The following SIAH3 variants were observed in gnomAD, a reference collection of about 807,000 sequenced individuals.
The protein encoded by SIAH3 is siah E3 ubiquitin protein ligase family member 3.
In SIAH3, 9 loss-of-function variants were observed where a neutral mutation model predicts 12.6. That is an observed-to-expected ratio of 0.72 (90% confidence interval 0.43 to 1.25). SIAH3 has a LOEUF of 1.25. Among genes scored for constraint, SIAH3 ranks in the 50% most tolerant of loss-of-function variants. The pLI is 0.00. For missense variants in SIAH3, 390 were observed against 365.4 expected, an observed-to-expected ratio of 1.07 and a Z score of -0.55; for synonymous variants, 154 against 151.1, an observed-to-expected ratio of 1.02 and a Z score of -0.14.
chr13:45,850,919 C>CCACACACACACA (rs34118981), intron 1 of SIAH3, among the ~76,000 whole-genome samples: 127 of 128,330 alleles, frequency 9.9e-4, no homozygotes, highest in East Asian at 6.4e-3. Context: ...CCTCCCGACA[C>CCACACACACACA]CACACACACA....
At chr13:45,832,615 C>T (rs552746962) in intron 1 of SIAH3, among the ~76,000 whole-genome samples, 20 of 152,270 alleles carry the variant, frequency 1.3e-4, no homozygotes, top group African/African-American at 3.4e-4. Context: ...GTTTCCACCT[C>T]TTGGCTAGTG....
intron 1 of SIAH3, among the ~76,000 whole-genome samples, chr13:45,789,372 CTATCTATCTATCTATCTATCT>C (rs1418448114): frequency 4.8e-4 from 16 of 33,498 alleles, no homozygotes; most frequent in South Asian, 1.6e-3. Context: ...ATCTATCTAT[CTATCTATCTATCTATCTATCT>C]ATCTATCTAT....
intron 1 of SIAH3, among the ~76,000 whole-genome samples, chr13:45,848,979 C>G (rs1422127480): frequency 6.6e-6 from 1 of 152,200 alleles, no homozygotes. Context: ...TTATGGAAAT[C>G]AGCGTTTAGA....
chr13:45,794,803 C>T (rs1267178207), intron 1 of SIAH3, among the ~76,000 whole-genome samples: 1 of 152,154 alleles, frequency 6.6e-6, no homozygotes, highest in Non-Finnish European at 1.5e-5. Flanking sequence ...AGAGAATGAA[C>T]TAATACACAC....
intron 1 of SIAH3, among the ~76,000 whole-genome samples, chr13:45,816,498 A>T (rs1950634978): frequency 6.6e-6 from 1 of 152,248 alleles, no homozygotes; most frequent in African/African-American, 2.4e-5. Flanking sequence ...GCTATAAATT[A>T]CAACAGCTGA....
intron 1 of SIAH3, among the ~76,000 whole-genome samples, chr13:45,807,250 A>G (rs554139251): frequency 3.3e-5 from 5 of 151,814 alleles, no homozygotes; most frequent in African/African-American, 1.2e-4. Context: ...TAAAATTAAC[A>G]AGATTGTAAT....
chr13:45,832,235 C>T (rs1046250675), intron 1 of SIAH3, among the ~76,000 whole-genome samples: 3 of 152,212 alleles, frequency 2.0e-5, no homozygotes, highest in African/African-American at 4.8e-5. Context: ...CATGTGTAAG[C>T]GTACAATTCA....
chr13:45,802,644 C>A (rs984298972), intron 1 of SIAH3, among the ~76,000 whole-genome samples: 4 of 152,200 alleles, frequency 2.6e-5, no homozygotes, highest in Admixed American at 1.3e-4. Flanking sequence ...ATGCAATATT[C>A]TAAAACAGAG....
Position 45,784,053 on chromosome 13 carries a change from A to T in SIAH3, c.140T>A (p.Val47Glu). 6.3e-7 allele frequency: 1 copy of T among 1,575,404 alleles called. No homozygotes were observed. Among genetic ancestry groups the T allele is most frequent in the Non-Finnish European group, 8.6e-7 (1 of 1,161,148 alleles). Reference protein sequence around the residue: ...VVNPTHNLKYVSSRRAVTQSA... With the variant: ...VVNPTHNLKYESSRRAVTQSA... ...CTGAGTGACGGCGCGCCGACTGGAC[A>T]CATACTGTAAGGAAAGAGAAGAACG... is the stretch of plus-strand genomic sequence containing the variant. The change falls in exon 2 of 2, where the codon GTG (valine) becomes GAG (glutamate). Residue 47 changes from valine (V) to glutamate (E), a missense_variant. Physicochemically the swap from Val to Glu is moderately radical, Grantham distance 121 (BLOSUM62 -2). Coordinates refer to ENST00000400405, the MANE Select transcript of SIAH3 (RefSeq NM_198849.3).
At chr13:45,820,346 C>T (rs185164863) in intron 1 of SIAH3, among the ~76,000 whole-genome samples, 50 of 152,180 alleles carry the variant, frequency 3.3e-4, no homozygotes, top group African/African-American at 9.4e-4. Context: ...GTGGTGGGGA[C>T]GGAGCCAGAG....
intron 1 of SIAH3, among the ~76,000 whole-genome samples, chr13:45,808,823 T>C (rs1017933400): frequency 6.6e-6 from 1 of 152,222 alleles, no homozygotes; most frequent in South Asian, 2.1e-4. Context: ...CTTGATGGAA[T>C]GGGAACCAGA....
At chr13:45,851,418 C>A in intron 1 of SIAH3, 77 bp downstream of exon 1, 2 of 1,587,562 alleles carry the variant, frequency 1.3e-6, no homozygotes, top group Non-Finnish European at 1.7e-6. Context: ...TGCACACGTT[C>A]GCCGGAGGGT....
chr13:45,843,028 C>CTGTGTGTG (rs1340055644), intron 1 of SIAH3, among the ~76,000 whole-genome samples: 36 of 62,838 alleles, frequency 5.7e-4, no homozygotes, highest in African/African-American at 1.6e-3. Flanking sequence ...TTCTCTCTCT[C>CTGTGTGTG]TCTCTCTGTG....
chr13:45,809,931 C>G (rs1053574834), intron 1 of SIAH3, among the ~76,000 whole-genome samples: 1 of 152,176 alleles, frequency 6.6e-6, no homozygotes, highest in Non-Finnish European at 1.5e-5. Context: ...AAAAGCAAAA[C>G]CAAACCAAGA....
rs199698583 is a variant in SIAH3 at position 45,783,504 on chromosome 13, G to A, written c.689C>T (p.Thr230Met). Residue 230 changes from threonine to methionine, a missense_variant, in exon 2 of 2, where the codon ACG becomes ATG. By Grantham distance (81) the Thr-to-Met change is moderately conservative (BLOSUM62 -1). Transcript: ENST00000400405. ...SVLECVDSVI[T>M]DGDCLVLNTS... ...GTTGAGGACGAGGCAGTCCCCGTCC[G>A]TAATCACCGAGTCCACGCACTCAAG... 12 of 1,614,200 alleles carry A rather than the reference G, an allele frequency of 7.4e-6. No individual in the cohort carries two copies. In the Admixed American group the frequency reaches 8.3e-5, roughly 11 times the overall value.
At chr13:45,838,355 T>A (rs1427119970) in intron 1 of SIAH3, among the ~76,000 whole-genome samples, 1 of 152,180 alleles carries the variant, frequency 6.6e-6, no homozygotes, top group Admixed American at 6.5e-5. Flanking sequence ...TTTCTGGCAT[T>A]TGCTTCAGTA....
In SIAH3 at chr13:45,778,104, CATT is replaced by C. The variant is rs1304590293; in HGVS notation, c.*5276_*5278del. 8 of 152,182 alleles carry C rather than the reference CATT, an allele frequency of 5.3e-5. No individual in the cohort carries two copies. Among genetic ancestry groups the C allele is most frequent in the Admixed American group, 2.0e-4 (3 of 15,278 alleles). 9.4% of individuals were successfully genotyped at this position (152,182 alleles called of 1,614,324 possible). On this transcript the variant is annotated 3_prime_UTR_variant, in exon 2 of 2. Coordinates refer to ENST00000400405, the MANE Select transcript of SIAH3 (RefSeq NM_198849.3). ...GTTCTTCATGTGACATTCCTTGGCT[CATT>C]ATGTTTTCTGTCCCTCAGCTTCATG...
chr13:45,849,071 G>T (rs1950770484), intron 1 of SIAH3, among the ~76,000 whole-genome samples: 1 of 152,204 alleles, frequency 6.6e-6, no homozygotes, highest in African/African-American at 2.4e-5. Context: ...TCCTTTTAAA[G>T]CTCTGCAAAT....
intron 1 of SIAH3, among the ~76,000 whole-genome samples, chr13:45,849,286 G>T (rs1309913304): frequency 1.3e-5 from 2 of 152,284 alleles, no homozygotes; most frequent in South Asian, 2.1e-4. Context: ...TGTGCGAAAT[G>T]AAAAGCCAAA....
Sources: allele counts gnomAD v4.1 joint callset (sites outside exome capture counted in the v4.1 genomes callset), GRCh38; gene constraint gnomAD v4.1.1; transcripts MANE v1.5; gene names NCBI Gene and HGNC (gene_info 2026-07-23, HGNC 2026-07-21).